Variants in EYS observed in about 807,000 individuals in gnomAD.
EYS encodes protein eyes shut homolog.
EYS carries 250 observed loss-of-function variants against 282.1 expected under a neutral mutation model. That is an observed-to-expected ratio of 0.89 (90% confidence interval 0.80 to 0.98). EYS has a LOEUF of 0.98. Ranked by LOEUF, EYS falls within the 50% of genes least tolerant of loss-of-function variation. The probability of loss-of-function intolerance (pLI) is 0.00; values close to 1 mark genes in which losing one functional copy is unlikely to be tolerated. For synonymous variants in EYS, 1,355 were observed against 1,282.9 expected (o/e 1.06, Z -1.20); for missense variants, 4,016 against 3,709.0 (o/e 1.08, Z -2.15).
At chr6:64,740,853 A>G (rs1772348189) in intron 22 of EYS, among the ~76,000 whole-genome samples, 1 of 151,736 alleles carries the variant, frequency 6.6e-6, no homozygotes, top group Non-Finnish European at 1.5e-5. Context: ...AGCTGGGACT[A>G]CAGGCGCCAG....
rs907925723 is a variant in EYS at position 63,924,347 on chromosome 6, G to A, written c.7056-59989C>T. Among the ~76,000 whole-genome samples the A allele has an allele frequency of 7.2e-5, 11 of 152,138 alleles. No individual in the cohort carries two copies. The East Asian group carries it at 7.7e-4, about 11-fold the overall frequency. On this transcript the variant is annotated intron_variant, in intron 35 of 42. Transcript: ENST00000503581. ...CTCAGAGCTACCCTTGAAATGCTTC[G>A]TGTGGAAAAAGAAGAGCCTCTTTAC...
At chr6:64,120,716 A>G (rs898429222) in intron 31 of EYS, among the ~76,000 whole-genome samples, 5 of 152,152 alleles carry the variant, frequency 3.3e-5, no homozygotes, top group Non-Finnish European at 5.9e-5. Context: ...ACATACTATT[A>G]TAGGTAGTTT....
intron 30 of EYS, among the ~76,000 whole-genome samples, chr6:64,260,800 A>G (rs968082434): frequency 3.9e-5 from 6 of 151,918 alleles, no homozygotes; most frequent in Admixed American, 2.0e-4. Context: ...CTTTATTGGT[A>G]TATCTCCATT....
chr6:64,693,651 A>G (rs1770475254), intron 22 of EYS, among the ~76,000 whole-genome samples: 1 of 152,156 alleles, frequency 6.6e-6, no homozygotes, highest in Non-Finnish European at 1.5e-5. Flanking sequence ...AAATTAATAG[A>G]CCCAAATGTA....
chr6:63,939,125 A>G (rs963132296), intron 35 of EYS, among the ~76,000 whole-genome samples: 7 of 149,660 alleles, frequency 4.7e-5, no homozygotes, highest in African/African-American at 7.6e-5. Context: ...CTTCTTTGTG[A>G]GGGGATTTTT....
At chr6:64,842,829 T>G (rs1478439133) in intron 19 of EYS, among the ~76,000 whole-genome samples, 1 of 151,996 alleles carries the variant, frequency 6.6e-6, no homozygotes, top group African/African-American at 2.4e-5. Flanking sequence ...AGCACTCTGT[T>G]TTAAAAGGGA....
chr6:65,021,007 T>G (rs1772238266), intron 13 of EYS, among the ~76,000 whole-genome samples: 1 of 152,100 alleles, frequency 6.6e-6, no homozygotes, highest in Non-Finnish European at 1.5e-5. Context: ...CGGGACCCAG[T>G]CCAGCAAACC....
intron 1 of EYS, among the ~76,000 whole-genome samples, chr6:65,667,130 T>C (rs1310775765): frequency 6.6e-6 from 1 of 151,882 alleles, no homozygotes; most frequent in African/African-American, 2.4e-5. Flanking sequence ...CTCTGACTAC[T>C]GCCCTATCTC....
rs75390208 is a variant in EYS at position 64,773,099 on chromosome 6, C to T, written c.3443+40279G>A. On this transcript the variant is annotated intron_variant, in intron 22 of 42. Coordinates refer to ENST00000503581, the MANE Select transcript of EYS (RefSeq NM_001142800.2). Reference sequence around the variant, plus strand: ...TCACCCACGTTTTCAGAATAGTACTCAATAGGTAGTTTTTCAATCCTCACC... The same window carrying T: ...TCACCCACGTTTTCAGAATAGTACTTAATAGGTAGTTTTTCAATCCTCACC... Among the ~76,000 whole-genome samples the T allele has an allele frequency of 9.8e-3, 1,482 of 151,758 alleles. 25 individuals carry two copies. Among genetic ancestry groups the T allele is most frequent in the African/African-American group, 0.034 (1,411 of 41,460 alleles).
At chr6:65,439,898 A>G (rs1285331120) in intron 5 of EYS, among the ~76,000 whole-genome samples, 1 of 152,106 alleles carries the variant, frequency 6.6e-6, no homozygotes, top group Non-Finnish European at 1.5e-5. Context: ...CAGCTGATAA[A>G]AGACAAATGA....
At chr6:64,162,087 G>T (rs536997929) in intron 31 of EYS, among the ~76,000 whole-genome samples, 1 of 151,988 alleles carries the variant, frequency 6.6e-6, no homozygotes, top group Non-Finnish European at 1.5e-5. Flanking sequence ...AGCCCTCTAG[G>T]GAAGAGAAAG....
chr6:64,116,189 A>T (rs1482061227), intron 31 of EYS, among the ~76,000 whole-genome samples: 2 of 152,088 alleles, frequency 1.3e-5, no homozygotes, highest in Non-Finnish European at 2.9e-5. Flanking sequence ...TGTGGACCTG[A>T]AGACAGGTCA....
intron 11 of EYS, among the ~76,000 whole-genome samples, chr6:65,306,050 T>A (rs1327988410): frequency 1.3e-5 from 2 of 152,182 alleles, no homozygotes; most frequent in Non-Finnish European, 2.9e-5. Flanking sequence ...ACCTCAAGGT[T>A]TAGATTTGTG....
intron 2 of EYS, among the ~76,000 whole-genome samples, chr6:65,501,080 C>A (rs930872522): frequency 4.6e-5 from 7 of 151,804 alleles, no homozygotes; most frequent in African/African-American, 1.7e-4. Flanking sequence ...TATGAGTAGG[C>A]CTCAGAAATT....
chr6:65,648,015 A>AAATAAAT (rs1177516855), intron 1 of EYS, among the ~76,000 whole-genome samples: 2 of 151,934 alleles, frequency 1.3e-5, no homozygotes, highest in East Asian at 1.9e-4. Context: ...GGCCAAAATA[A>AAATAAAT]AATAAAAAAT....
At chr6:64,485,221 GAGA>G (rs1776546494) in intron 26 of EYS, among the ~76,000 whole-genome samples, 1 of 151,564 alleles carries the variant, frequency 6.6e-6, no homozygotes, top group Non-Finnish European at 1.5e-5. Context: ...TAGGAAGGAA[GAGA>G]AGAACAGGGA....
chr6:64,964,931 G>C (rs1049655625), intron 14 of EYS, among the ~76,000 whole-genome samples: 1 of 152,000 alleles, frequency 6.6e-6, no homozygotes, highest in African/African-American at 2.4e-5. Flanking sequence ...CACTCAGGAG[G>C]CTAAGGCACA....
chr6:64,824,860 C>T (rs1282597666), intron 19 of EYS, among the ~76,000 whole-genome samples: 1 of 151,752 alleles, frequency 6.6e-6, no homozygotes, highest in Admixed American at 6.6e-5. Flanking sequence ...ATGTTTTATT[C>T]ATTAATTAAA....
At chr6:65,130,365 G>T (rs1209235233) in intron 12 of EYS, among the ~76,000 whole-genome samples, 1 of 151,882 alleles carries the variant, frequency 6.6e-6, no homozygotes, top group Non-Finnish European at 1.5e-5. Context: ...ATATTAGCTT[G>T]CCCTTCCCAT....
Sources: allele counts gnomAD v4.1 joint callset (sites outside exome capture counted in the v4.1 genomes callset), GRCh38; gene constraint gnomAD v4.1.1; transcripts MANE v1.5; gene names NCBI Gene and HGNC (gene_info 2026-07-23, HGNC 2026-07-21).